DSCAM: variants seen among roughly 807,000 people sequenced by gnomAD.
DSCAM encodes the protein DS cell adhesion molecule.
A neutral mutation model predicts 217.7 loss-of-function variants in DSCAM; 47 were observed. The observed-to-expected ratio is 0.22, with a 90% CI of 0.17 to 0.28. The LOEUF is 0.28. Ranked by LOEUF, DSCAM falls within the 10% of genes least tolerant of loss-of-function variation. The probability of loss-of-function intolerance (pLI) is 1.00; values close to 1 mark genes in which losing one functional copy is unlikely to be tolerated. For missense variants in DSCAM, 2,080 were observed against 2,618.3 expected (o/e 0.79, Z 4.49); for synonymous variants, 1,056 against 1,015.3 (o/e 1.04, Z -0.76).
At chr21:40,574,482 A>G (rs555840510) in intron 3 of DSCAM, among the ~76,000 whole-genome samples, 2 of 152,344 alleles carry the variant, frequency 1.3e-5, no homozygotes, top group African/African-American at 4.8e-5. Flanking sequence ...AATCTGATAA[A>G]GGGCATTTAC....
At chr21:40,765,828 G>C (rs1160157819) in intron 1 of DSCAM, among the ~76,000 whole-genome samples, 1 of 152,180 alleles carries the variant, frequency 6.6e-6, no homozygotes, top group African/African-American at 2.4e-5. Flanking sequence ...CAGCCGCAAA[G>C]GGTCTTACTC....
intron 9 of DSCAM, 132 bp from the exon 10 acceptor site, chr21:40,296,306 A>G: frequency 8.9e-7 from 1 of 1,119,754 alleles, no homozygotes; most frequent in Non-Finnish European, 1.2e-6. Flanking sequence ...GGACAATAAA[A>G]ACACTATTGG....
At chr21:40,485,449 A>G (rs1359760692) in intron 3 of DSCAM, among the ~76,000 whole-genome samples, 1 of 151,538 alleles carries the variant, frequency 6.6e-6, no homozygotes, top group Non-Finnish European at 1.5e-5. Context: ...TCACCGTGTT[A>G]GCCAGGATGG....
At chr21:40,413,818 G>C (rs185630551) in intron 3 of DSCAM, among the ~76,000 whole-genome samples, 9 of 152,092 alleles carry the variant, frequency 5.9e-5, no homozygotes, top group Non-Finnish European at 1.2e-4. Flanking sequence ...AGAGTTAATT[G>C]GTTTTCAACA....
At chr21:40,121,508 C>A (rs1447211165) in intron 20 of DSCAM, among the ~76,000 whole-genome samples, 2 of 151,912 alleles carry the variant, frequency 1.3e-5, no homozygotes, top group East Asian at 3.9e-4. Context: ...GTTCTGGGAC[C>A]TCCTTGTAAC....
At chr21:40,039,253 A>AGGTTTTTGAAT (rs2088696282) in intron 32 of DSCAM, among the ~76,000 whole-genome samples, 2 of 152,258 alleles carry the variant, frequency 1.3e-5, no homozygotes, top group East Asian at 3.9e-4. Context: ...ATACCAATGT[A>AGGTTTTTGAAT]GGTTTTTGAA....
chr21:40,042,959 C>T (rs1363961287), intron 31 of DSCAM, among the ~76,000 whole-genome samples: 1 of 151,736 alleles, frequency 6.6e-6, no homozygotes. Flanking sequence ...TAAAAAAAAT[C>T]CTGCTTTTAG....
At chr21:40,595,978 T>A (rs1369401796) in intron 3 of DSCAM, among the ~76,000 whole-genome samples, 2 of 152,228 alleles carry the variant, frequency 1.3e-5, no homozygotes, top group East Asian at 3.8e-4. Flanking sequence ...TGCATGTGCG[T>A]GTCTGGACTG....
chr21:40,435,970 G>A (rs890627959), intron 3 of DSCAM, among the ~76,000 whole-genome samples: 4 of 152,162 alleles, frequency 2.6e-5, no homozygotes, highest in Non-Finnish European at 4.4e-5. Flanking sequence ...ACAACCATGA[G>A]ACATTCAACA....
chr21:40,583,897 A>C, intron 3 of DSCAM, among the ~76,000 whole-genome samples: 1 of 119,050 alleles, frequency 8.4e-6, no homozygotes, highest in African/African-American at 3.1e-5. Context: ...TTTAAAAAAT[A>C]AAGTCTATTA....
chr21:40,406,518 T>C (rs2075280982), intron 3 of DSCAM, among the ~76,000 whole-genome samples: 1 of 152,178 alleles, frequency 6.6e-6, no homozygotes, highest in Middle Eastern at 3.2e-3. Context: ...CTGAAGGACA[T>C]TACGCTAAGT....
At chr21:40,473,700 T>C (rs148343056) in intron 3 of DSCAM, among the ~76,000 whole-genome samples, 237 of 152,256 alleles carry the variant, frequency 1.6e-3, no homozygotes, top group Non-Finnish European at 2.8e-3. Context: ...TATTTGGACA[T>C]AGGGCCTACA....
chr21:40,516,469 C>T (rs1466077729), intron 3 of DSCAM, among the ~76,000 whole-genome samples: 7 of 152,112 alleles, frequency 4.6e-5, no homozygotes, highest in African/African-American at 1.7e-4. Context: ...ACAGAGTTGA[C>T]AGTTGGCATC....
intron 16 of DSCAM, 137 bp downstream of exon 16, chr21:40,167,081 A>C: frequency 1.4e-6 from 1 of 701,924 alleles, no homozygotes; most frequent in Non-Finnish European, 2.4e-6. Flanking sequence ...GCATTTTAAG[A>C]AAAGGGCTTT....
At chr21:40,592,649 A>C (rs2076992150) in intron 3 of DSCAM, among the ~76,000 whole-genome samples, 1 of 152,072 alleles carries the variant, frequency 6.6e-6, no homozygotes, top group African/African-American at 2.4e-5. Flanking sequence ...CTTCACATTC[A>C]AGTCTTGACT....
chr21:40,829,133 G>A (rs912534946), intron 1 of DSCAM, among the ~76,000 whole-genome samples: 23 of 152,204 alleles, frequency 1.5e-4, no homozygotes, highest in African/African-American at 5.5e-4. Context: ...CATCATCAGT[G>A]GGGTGAAAGG....
intron 3 of DSCAM, among the ~76,000 whole-genome samples, chr21:40,438,653 C>A (rs750105665): frequency 6.6e-6 from 1 of 152,024 alleles, no homozygotes; most frequent in East Asian, 1.9e-4. Flanking sequence ...CATGTTGGCC[C>A]GAGAAAAAGC....
intron 3 of DSCAM, among the ~76,000 whole-genome samples, chr21:40,392,430 GA>G (rs2075142210): frequency 6.6e-6 from 1 of 152,176 alleles, no homozygotes; most frequent in South Asian, 2.1e-4. Flanking sequence ...ATAGTTATAG[GA>G]TGAGAGTGGA....
chr21:40,509,468 G>T (rs538807762), intron 3 of DSCAM, among the ~76,000 whole-genome samples: 5 of 152,172 alleles, frequency 3.3e-5, no homozygotes, highest in Non-Finnish European at 4.4e-5. Context: ...AGGAGGTGAG[G>T]GGATGACAGC....
Sources: allele counts gnomAD v4.1 joint callset (sites outside exome capture counted in the v4.1 genomes callset), GRCh38; gene constraint gnomAD v4.1.1; transcripts MANE v1.5; gene names NCBI Gene and HGNC (gene_info 2026-07-23, HGNC 2026-07-21).